TJP1: variants seen among roughly 807,000 people sequenced by gnomAD.
The protein encoded by TJP1 is tight junction protein 1.
A neutral mutation model predicts 194.2 loss-of-function variants in TJP1; 43 were observed. The observed-to-expected ratio is 0.22, with a 90% CI of 0.17 to 0.29. The LOEUF (loss-of-function observed/expected upper bound fraction) is 0.29, where lower values mean the gene tolerates loss of function less well. Ranked by LOEUF, TJP1 falls within the 10% of genes least tolerant of loss-of-function variation. TJP1 has a pLI of 1.00. For synonymous variants in TJP1, 801 were observed against 779.0 expected (o/e 1.03, Z -0.47); for missense variants, 1,971 against 2,185.7 (o/e 0.90, Z 1.96).
At chr15:29,960,050 G>A (rs904471682) in intron 1 of TJP1, among the ~76,000 whole-genome samples, 1 of 152,110 alleles carries the variant, frequency 6.6e-6, no homozygotes, top group African/African-American at 2.4e-5. Flanking sequence ...TGGTAGGTGT[G>A]ATCATATTTT....
chr15:29,804,776 AAGACATTTAGGCTTGTAGG>A (rs1176544999), intron 1 of TJP1, among the ~76,000 whole-genome samples: 1 of 152,166 alleles, frequency 6.6e-6, no homozygotes, highest in Admixed American at 6.5e-5. Context: ...TCTCAGGTTC[AAGACATTTAGGCTTGTAGG>A]AGACCAAGGG....
chr15:29,745,317 A>AAAAC (rs397784364), intron 8 of TJP1, among the ~76,000 whole-genome samples: 4,337 of 150,566 alleles, frequency 0.029, 223 homozygotes, highest in African/African-American at 0.1. Flanking sequence ...AAAAAAAAAA[A>AAAAC]CTTAATGAAT....
intron 1 of TJP1, among the ~76,000 whole-genome samples, chr15:29,812,690 T>C (rs550604750): frequency 1.3e-4 from 20 of 152,354 alleles, no homozygotes; most frequent in African/African-American, 4.6e-4. Flanking sequence ...TGATTACCTA[T>C]GGCAAGTAAA....
intron 2 of TJP1, among the ~76,000 whole-genome samples, chr15:29,858,436 T>C (rs2051945495): frequency 6.6e-6 from 1 of 152,122 alleles, no homozygotes; most frequent in African/African-American, 2.4e-5. Flanking sequence ...ACGCTGCAGG[T>C]ATAAATATTA....
At chr15:29,787,407 T>C (rs768722836) in intron 2 of TJP1, among the ~76,000 whole-genome samples, 7 of 152,200 alleles carry the variant, frequency 4.6e-5, no homozygotes, top group Non-Finnish European at 7.3e-5. Context: ...CTGAATATGA[T>C]GTCAAAAGTA....
At chr15:29,809,288 G>T (rs759363887) in intron 1 of TJP1, among the ~76,000 whole-genome samples, 2 of 152,078 alleles carry the variant, frequency 1.3e-5, no homozygotes, top group Non-Finnish European at 2.9e-5. Flanking sequence ...TACTACATTA[G>T]ACAGAATTGC....
chr15:29,793,807 A>G (rs1284008206), intron 2 of TJP1, among the ~76,000 whole-genome samples: 2 of 152,182 alleles, frequency 1.3e-5, no homozygotes, highest in Non-Finnish European at 2.9e-5. Flanking sequence ...AACACAAACC[A>G]TATCAGAGTA....
chr15:29,704,552 A>G (rs1360756095), intron 26 of TJP1, among the ~76,000 whole-genome samples: 6 of 152,250 alleles, frequency 3.9e-5, no homozygotes, highest in Non-Finnish European at 8.8e-5. Context: ...ATTTTAACTC[A>G]ATATAACGAA....
chr15:29,896,475 GA>G (rs1289232886), intron 2 of TJP1, among the ~76,000 whole-genome samples: 1 of 152,182 alleles, frequency 6.6e-6, no homozygotes, highest in East Asian at 1.9e-4. Flanking sequence ...TCAGCAACAT[GA>G]AAATGGACGA....
chr15:29,828,094 A>T (rs1322426359), intron 2 of TJP1, among the ~76,000 whole-genome samples: 4 of 152,220 alleles, frequency 2.6e-5, no homozygotes, highest in African/African-American at 9.7e-5. Context: ...CCATGATCTA[A>T]GCCTAACTAG....
At chr15:29,816,400 A>G (rs948007689) in intron 1 of TJP1, among the ~76,000 whole-genome samples, 3 of 152,196 alleles carry the variant, frequency 2.0e-5, no homozygotes, top group Non-Finnish European at 4.4e-5. Context: ...AATTTGAAAC[A>G]TAACTATCTT....
intron 1 of TJP1, among the ~76,000 whole-genome samples, chr15:29,819,993 T>A (rs1460070784): frequency 6.6e-6 from 1 of 152,148 alleles, no homozygotes; most frequent in Non-Finnish European, 1.5e-5. Flanking sequence ...TGGAAACAAA[T>A]GTCTATCAAG....
At chr15:29,749,698 G>T (rs908262057) in intron 8 of TJP1, among the ~76,000 whole-genome samples, 1 of 152,188 alleles carries the variant, frequency 6.6e-6, no homozygotes, top group Non-Finnish European at 1.5e-5. Flanking sequence ...ACATACCACA[G>T]CAAATTCTCG....
intron 12 of TJP1, among the ~76,000 whole-genome samples, chr15:29,733,515 C>A (rs2043810353): frequency 6.6e-6 from 1 of 152,182 alleles, no homozygotes; most frequent in South Asian, 2.1e-4. Context: ...GATGAGGAAA[C>A]TGATGCAGAA....
intron 2 of TJP1, among the ~76,000 whole-genome samples, chr15:29,954,855 T>G (rs1030284443): frequency 6.6e-6 from 1 of 151,834 alleles, no homozygotes; most frequent in Admixed American, 6.6e-5. Flanking sequence ...CCGAGGCGGG[T>G]GGATCACAAG....
At chr15:29,926,376 C>G (rs2054524646) in intron 2 of TJP1, among the ~76,000 whole-genome samples, 1 of 152,128 alleles carries the variant, frequency 6.6e-6, no homozygotes. Flanking sequence ...CTTTGGGAGA[C>G]CGAGGCAGGT....
At chr15:29,871,546 G>A (rs999101003) in intron 2 of TJP1, among the ~76,000 whole-genome samples, 67 of 152,334 alleles carry the variant, frequency 4.4e-4, no homozygotes, top group African/African-American at 1.4e-3. Flanking sequence ...GCTTGCCGTG[G>A]GAGAGGCGCA....
intron 2 of TJP1, among the ~76,000 whole-genome samples, chr15:29,840,402 T>C (rs1240947339): frequency 6.6e-6 from 1 of 152,206 alleles, no homozygotes; most frequent in East Asian, 1.9e-4. Context: ...TCTGAAGAGA[T>C]GTTATTAAGT....
intron 1 of TJP1, among the ~76,000 whole-genome samples, chr15:29,819,239 G>T (rs886744736): frequency 1.3e-4 from 20 of 152,038 alleles, no homozygotes; most frequent in African/African-American, 3.9e-4. Flanking sequence ...TTTAAAAAAT[G>T]GATAACCAAT....
Sources: gnomAD v4.1 joint callset for allele counts (sites outside exome capture counted in the v4.1 genomes callset) on GRCh38, gnomAD v4.1.1 for gene constraint, MANE v1.5 for transcripts, NCBI Gene and HGNC (gene_info 2026-07-23, HGNC 2026-07-21) for gene names.